Variants in CDH13 observed in about 807,000 individuals in gnomAD.
CDH13 encodes the protein cadherin 13.
CDH13 carries 24 observed loss-of-function variants against 63.8 expected under a neutral mutation model. The ratio of observed to expected loss-of-function variants is 0.38; its 90% CI spans 0.27 to 0.53. CDH13 has a LOEUF of 0.53. Among genes scored for constraint, CDH13 ranks in the 20% least tolerant of loss-of-function variants. CDH13 has a pLI of 0.85. For synonymous variants in CDH13, 503 were observed against 355.3 expected, an observed-to-expected ratio of 1.42 and a Z score of -4.67; for missense variants, 1,049 against 903.1, an observed-to-expected ratio of 1.16 and a Z score of -2.07.
At position 83,152,719 on chromosome 16, in the gene CDH13, A is replaced by G. The variant is rs149909159; in HGVS notation, c.483+27218A>G. On this transcript the variant is annotated intron_variant, in intron 4 of 13. Transcript: ENST00000567109. ...ATGTGGTTGTTACGGGCTGAATTGC[A>G]TCCCCCAAAACCCATGTGTTGAAGT... Among the ~76,000 whole-genome samples the G allele has an allele frequency of 8.9e-4, 135 of 152,344 alleles. 2 individuals carry two copies. In the East Asian group the frequency reaches 0.022, roughly 25 times the overall value.
chr16:83,393,911 C>T (rs1001375653), intron 6 of CDH13, among the ~76,000 whole-genome samples: 4 of 152,090 alleles, frequency 2.6e-5, no homozygotes, highest in African/African-American at 9.7e-5. Flanking sequence ...GAATACTATG[C>T]AGCCATAAAA....
At chr16:83,386,324 T>C (rs1224659452) in intron 6 of CDH13, among the ~76,000 whole-genome samples, 3 of 152,158 alleles carry the variant, frequency 2.0e-5, no homozygotes, top group Non-Finnish European at 4.4e-5. Context: ...CACAAAGGGA[T>C]AGGCGTCCCA....
intron 5 of CDH13, among the ~76,000 whole-genome samples, chr16:83,278,588 G>C (rs1272810395): frequency 3.9e-5 from 6 of 152,190 alleles, no homozygotes; most frequent in Admixed American, 3.9e-4. Context: ...CTCTGGAGGA[G>C]ACAGCAAGAA....
chr16:83,690,380 A>G (rs1904733408), intron 10 of CDH13, among the ~76,000 whole-genome samples: 1 of 152,104 alleles, frequency 6.6e-6, no homozygotes, highest in South Asian at 2.1e-4. Context: ...TTCAGTGAAG[A>G]ATTGGAGGAA....
At chr16:83,511,819 C>A (rs1246805604) in intron 7 of CDH13, among the ~76,000 whole-genome samples, 1 of 152,054 alleles carries the variant, frequency 6.6e-6, no homozygotes, top group African/African-American at 2.4e-5. Flanking sequence ...AGAAATAAGC[C>A]CGACACCCAT....
chr16:83,108,252 A>T (rs12716962), intron 3 of CDH13, among the ~76,000 whole-genome samples: 3 of 152,002 alleles, frequency 2.0e-5, no homozygotes, highest in African/African-American at 7.3e-5. Context: ...GCAAAGGACC[A>T]CAGAGGAAGG....
intron 12 of CDH13, among the ~76,000 whole-genome samples, chr16:83,782,937 T>C (rs1262012546): frequency 6.6e-6 from 1 of 152,016 alleles, no homozygotes; most frequent in Non-Finnish European, 1.5e-5. Flanking sequence ...ATCATCTTCA[T>C]GAAAGGAGCT....
intron 4 of CDH13, among the ~76,000 whole-genome samples, chr16:83,159,973 G>A (rs760202581): frequency 1.5e-4 from 23 of 152,214 alleles, no homozygotes; most frequent in Non-Finnish European, 3.2e-4. Context: ...CTACTCAGGA[G>A]GCTGAGGCAC....
intron 6 of CDH13, among the ~76,000 whole-genome samples, chr16:83,463,775 G>A (rs141559831): frequency 4.6e-5 from 7 of 152,230 alleles, no homozygotes; most frequent in East Asian, 3.9e-4. Flanking sequence ...TCTGCATTCC[G>A]GCCTAGGTAA....
chr16:83,074,079 A>C (rs2032646554), intron 3 of CDH13, among the ~76,000 whole-genome samples: 1 of 152,130 alleles, frequency 6.6e-6, no homozygotes, highest in Non-Finnish European at 1.5e-5. Flanking sequence ...ATTAACATTA[A>C]AACTTCTTCC....
At chr16:83,235,649 C>G (rs2040123791) in intron 5 of CDH13, among the ~76,000 whole-genome samples, 1 of 146,840 alleles carries the variant, frequency 6.8e-6, no homozygotes, top group African/African-American at 2.5e-5. Context: ...AAAACTAATT[C>G]CAGCAAAGGC....
At chr16:83,792,176 C>A (rs1391826255) in intron 13 of CDH13, among the ~76,000 whole-genome samples, 2 of 152,350 alleles carry the variant, frequency 1.3e-5, no homozygotes, top group Admixed American at 6.5e-5. Context: ...TGTCTTCGGC[C>A]TGCAGACGGC....
intron 7 of CDH13, among the ~76,000 whole-genome samples, chr16:83,555,074 C>T (rs1050224752): frequency 2.6e-5 from 4 of 152,174 alleles, no homozygotes; most frequent in Non-Finnish European, 4.4e-5. Flanking sequence ...CATCTACCAG[C>T]TTGCAGCCCC....
At chr16:83,238,939 T>C (rs1237806252) in intron 5 of CDH13, among the ~76,000 whole-genome samples, 1 of 152,094 alleles carries the variant, frequency 6.6e-6, no homozygotes, top group Non-Finnish European at 1.5e-5. Flanking sequence ...AGAGCAGAGT[T>C]TGGGTTTTTA....
chr16:83,229,674 A>G (rs1163252742), intron 5 of CDH13, among the ~76,000 whole-genome samples: 2 of 151,916 alleles, frequency 1.3e-5, no homozygotes, highest in Admixed American at 1.3e-4. Flanking sequence ...TCATTTCCGT[A>G]TTTTTCTTTC....
intron 5 of CDH13, among the ~76,000 whole-genome samples, chr16:83,260,394 T>A (rs1174239997): frequency 6.6e-6 from 1 of 152,144 alleles, no homozygotes; most frequent in East Asian, 1.9e-4. Flanking sequence ...CTGGAAAGAA[T>A]TAAATTTTTT....
At chr16:83,541,433 G>C (rs2075293910) in intron 7 of CDH13, among the ~76,000 whole-genome samples, 1 of 152,136 alleles carries the variant, frequency 6.6e-6, no homozygotes, top group African/African-American at 2.4e-5. Flanking sequence ...ATCCTTTGAG[G>C]CATGTGGCAG....
chr16:82,827,013 G>T (rs868655475), intron 1 of CDH13, among the ~76,000 whole-genome samples: 1 of 152,138 alleles, frequency 6.6e-6, no homozygotes, highest in African/African-American at 2.4e-5. Context: ...CCAGCCCCTG[G>T]CATGTTTTGC....
chr16:83,427,681 A>T (rs542563780), intron 6 of CDH13, among the ~76,000 whole-genome samples: 1 of 151,882 alleles, frequency 6.6e-6, no homozygotes, highest in Non-Finnish European at 1.5e-5. Flanking sequence ...TTGTGCCTTC[A>T]GGATTCTCCT....
Sources: gnomAD v4.1 joint callset for allele counts (sites outside exome capture counted in the v4.1 genomes callset) on GRCh38, gnomAD v4.1.1 for gene constraint, MANE v1.5 for transcripts, NCBI Gene and HGNC (gene_info 2026-07-23, HGNC 2026-07-21) for gene names.